The following USP20 variants were observed in gnomAD, a reference collection of about 807,000 sequenced individuals.
The protein encoded by USP20 is ubiquitin specific peptidase 20.
In USP20, 80 loss-of-function variants were observed where a neutral mutation model predicts 124.2. The ratio of observed to expected loss-of-function variants is 0.64; its 90% confidence interval spans 0.54 to 0.78. USP20 has a LOEUF of 0.78. USP20 is among the 30% of genes least tolerant of loss of function. The probability of loss-of-function intolerance (pLI) is 0.00; values close to 1 mark genes in which losing one functional copy is unlikely to be tolerated. For missense variants in USP20, 1,043 were observed against 1,244.4 expected (o/e 0.84, Z 2.44); for synonymous variants, 481 against 512.3 (o/e 0.94, Z 0.83).
In USP20 at chr9:129,876,159, T is replaced by C. The variant is rs992853509; in HGVS notation, c.2330T>C (p.Leu777Pro). Reference protein sequence around the residue: ...RFGGGPAVNHLYVCSICQVEI... With the variant: ...RFGGGPAVNHPYVCSICQVEI... ...GGGGGTGGCCCCGCCGTGAACCACC[T>C]GTACGTGTGCTCCATCTGCCAGGTG... is the stretch of plus-strand genomic sequence containing the variant. Residue 777 changes from leucine to proline, a missense_variant, in exon 22 of 26, where the codon CTG becomes CCG. Leu to Pro is a moderately conservative substitution (Grantham distance 98). Transcript: ENST00000372429. The C allele has an allele frequency of 7.4e-6, 12 of 1,613,396 alleles. No homozygotes were observed. Among genetic ancestry groups the C allele is most frequent in the Non-Finnish European group, 9.3e-6 (11 of 1,179,976 alleles).
intron 3 of USP20, among the ~76,000 whole-genome samples, chr9:129,854,476 T>C (rs2033108188): frequency 6.6e-6 from 1 of 152,144 alleles, no homozygotes; most frequent in African/African-American, 2.4e-5. Context: ...GAAATATGTA[T>C]TGCATGATCT....
Position 129,868,907 on chromosome 9 carries a change from G to T in USP20, c.1181G>T (p.Ser394Ile). Residue 394 changes from serine (S) to isoleucine (I), a missense_variant, in exon 12 of 26, where the codon AGC becomes ATC. Ser to Ile is a moderately radical substitution (Grantham distance 142). Transcript: ENST00000372429. The part of the protein sequence containing the change: ...AHLRSSSRPC[S>I]PVHHHEGHAK... ...CTACGCAGCTCCTCTCGCCCCTGCA[G>T]CCCCGTCCACCACCACGAGGGCCAT... 6.2e-7 allele frequency: 1 copy of T among 1,610,516 alleles called. No individual in the cohort carries two copies. Among genetic ancestry groups the T allele is most frequent in the South Asian group, 1.1e-5 (1 of 90,700 alleles).
chr9:129,864,541 C>A (rs549446547), intron 9 of USP20, among the ~76,000 whole-genome samples: 2 of 150,344 alleles, frequency 1.3e-5, no homozygotes, highest in East Asian at 3.9e-4. Context: ...TTTGGGAGGC[C>A]GAGGCGGGTG....
chr9:129,856,167 T>C, intron 3 of USP20, 140 bp from the exon 4 acceptor site: 5 of 813,006 alleles, frequency 6.2e-6, no homozygotes, highest in Non-Finnish European at 1.0e-5. Context: ...CGAAGGCCTT[T>C]CTGGGGCCAG....
At chr9:129,845,529 T>G (rs2032489647) in intron 1 of USP20, among the ~76,000 whole-genome samples, 1 of 152,108 alleles carries the variant, frequency 6.6e-6, no homozygotes, top group South Asian at 2.1e-4. Flanking sequence ...TTTTTGTTGT[T>G]TTTTGATTTT....
At chr9:129,876,794 A>T (rs1035809031) in intron 22 of USP20, among the ~76,000 whole-genome samples, 3 of 152,088 alleles carry the variant, frequency 2.0e-5, no homozygotes, top group Admixed American at 1.3e-4. Flanking sequence ...CAGTAGATGG[A>T]TCCCATTCTC....
At chr9:129,878,886 G>T (rs2034521021) in intron 23 of USP20, among the ~76,000 whole-genome samples, 1 of 152,244 alleles carries the variant, frequency 6.6e-6, no homozygotes, top group Non-Finnish European at 1.5e-5. Flanking sequence ...TATTAAACCT[G>T]CATTAAAAAT....
Position 129,875,397 on chromosome 9 carries a change from G to A in USP20, c.2136G>A (p.Val712=). ...MREPSLLRFY[V]SREWLNKFNT... is the part of the protein sequence containing the mutation. ...AGCCCAGCCTGCTGCGGTTCTACGT[G>A]TCCCGCGAGTGGCTCAACAAGTTCA... The change falls in exon 20 of 26, where the codon GTG becomes GTA. Residue 712 remains valine, a synonymous_variant. Transcript: ENST00000372429. The A allele has an allele frequency of 5.6e-6, 9 of 1,613,602 alleles. No individual in the cohort carries two copies. Among genetic ancestry groups the A allele is most frequent in the Non-Finnish European group, 7.6e-6 (9 of 1,179,976 alleles).
At chr9:129,877,131 C>T (rs2034442333) in intron 22 of USP20, among the ~76,000 whole-genome samples, 1 of 152,188 alleles carries the variant, frequency 6.6e-6, no homozygotes, top group African/African-American at 2.4e-5. Flanking sequence ...CCCTCCCTGC[C>T]ACGCTACTTC....
chr9:129,864,978 C>T (rs1026248205), intron 9 of USP20, among the ~76,000 whole-genome samples: 4 of 152,130 alleles, frequency 2.6e-5, no homozygotes, highest in Non-Finnish European at 4.4e-5. Context: ...CAATAATGAA[C>T]ATGTCTTACT....
In USP20 at chr9:129,869,840, C is replaced by T. The variant is rs2034028854; in HGVS notation, c.1561C>T (p.Arg521Ter). ...GCTGGCCTTCATTGTGGAGTACATC[C>T]GACGGTGCGCCCACCTTGCCACTAC... ...GWLAFIVEYI[R>*]RFVVSCTPSW... The change falls in exon 14 of 26, where the codon CGA becomes TGA. Residue 521 changes from arginine (R) to a stop codon, truncating the protein, a stop_gained. Transcript: ENST00000372429. LOFTEE classifies it high-confidence loss of function. 4 of 1,613,000 alleles carry T rather than the reference C, an allele frequency of 2.5e-6. No homozygotes were observed. Among genetic ancestry groups the T allele is most frequent in the Admixed American group, 1.7e-5 (1 of 59,914 alleles).
Position 129,876,102 on chromosome 9 carries a change from G to A in USP20, c.2301-28G>A, listed in dbSNP as rs367694158. On this transcript the variant is annotated intron_variant, in intron 21 of 25. Coordinates refer to ENST00000372429, the MANE Select transcript of USP20 (RefSeq NM_001110303.4). ...CCCTCCCTGGTACCCCGCTCAGGCC[G>A]TGTCTCTCTCTCCCACCCTGGGCAC... 19 of 1,591,772 alleles carry A rather than the reference G, an allele frequency of 1.2e-5. No homozygotes were observed. The African/African-American group carries it at 2.0e-4, about 17-fold the overall frequency.
intron 16 of USP20, 35 bp from the exon 17 acceptor site, chr9:129,873,664 C>CGGGA: frequency 6.2e-7 from 1 of 1,613,226 alleles, no homozygotes; most frequent in Non-Finnish European, 8.5e-7. Context: ...GGCCCTGATG[C>CGGGA]CGGACACTGA....
chr9:129,846,867 T>C (rs372129855), intron 1 of USP20, among the ~76,000 whole-genome samples: 6,134 of 152,172 alleles, frequency 0.04, 411 homozygotes, highest in African/African-American at 0.14. Context: ...CCTCAAGTGA[T>C]CCGCCTGCCT....
chr9:129,838,924 C>T (rs564289628), intron 1 of USP20, among the ~76,000 whole-genome samples: 1 of 152,178 alleles, frequency 6.6e-6, no homozygotes, highest in Non-Finnish European at 1.5e-5. Flanking sequence ...CTTTGAGCTG[C>T]AGGGAGATAC....
chr9:129,857,127 C>T (rs958415086), intron 4 of USP20, among the ~76,000 whole-genome samples: 1 of 152,032 alleles, frequency 6.6e-6, no homozygotes, highest in African/African-American at 2.4e-5. Flanking sequence ...TCAGTCTTTG[C>T]AGAAGTGCAG....
At position 129,860,945 on chromosome 9, in the gene USP20, G is replaced by A. The variant is rs773662712; in HGVS notation, c.339G>A (p.Pro113=). ...SSSKFSEQDS[P]PPSHPLKAVP... ...TTGGGTCTTTAACACAGGACTCCCC[G>A]CCACCCTCCCACCCTCTGAAAGCTG... Residue 113 remains proline (P), a synonymous_variant, in exon 7 of 26, where the codon CCG becomes CCA. Coordinates refer to ENST00000372429, the MANE Select transcript of USP20 (RefSeq NM_001110303.4). The A allele has an allele frequency of 5.3e-6, 8 of 1,501,374 alleles. No individual in the cohort carries two copies. In the East Asian group the frequency reaches 1.2e-4, roughly 22 times the overall value. The allele number at this position is 1,501,374 out of a possible 1,614,324, so 93.0% of individuals were successfully genotyped here.
At chr9:129,869,216 G>A (rs1464283252) in intron 12 of USP20, 94 bp from the exon 13 acceptor site, 1 of 1,375,836 alleles carries the variant, frequency 7.3e-7, no homozygotes, top group Non-Finnish European at 1.0e-6. Context: ...ACTCACGGAT[G>A]TCACTCCACA....
intron 6 of USP20, among the ~76,000 whole-genome samples, chr9:129,859,509 A>C (rs2033423801): frequency 6.6e-6 from 1 of 151,380 alleles, no homozygotes; most frequent in African/African-American, 2.4e-5. Flanking sequence ...CCTGACCTCA[A>C]GTGATCCGCC....
Sources: allele counts gnomAD v4.1 joint callset (sites outside exome capture counted in the v4.1 genomes callset), GRCh38; gene constraint gnomAD v4.1.1; transcripts MANE v1.5; gene names NCBI Gene and HGNC (gene_info 2026-07-23, HGNC 2026-07-21).